The following RUNX1 variants were observed in gnomAD, a reference collection of about 807,000 sequenced individuals.
RUNX1 encodes RUNX family transcription factor 1.
Under a neutral mutation model 42.8 loss-of-function variants are expected in RUNX1, and 19 were observed. The ratio of observed to expected loss-of-function variants is 0.44; its 90% CI spans 0.31 to 0.65. RUNX1 has a LOEUF of 0.65. Among genes scored for constraint, RUNX1 ranks in the 30% least tolerant of loss-of-function variants. RUNX1 has a pLI of 0.07. For missense variants in RUNX1, 528 were observed against 672.0 expected (o/e 0.79, Z 2.37); for synonymous variants, 271 against 289.4 (o/e 0.94, Z 0.64).
chr21:34,978,676 T>C (rs1188544181), intron 2 of RUNX1, among the ~76,000 whole-genome samples: 1 of 152,188 alleles, frequency 6.6e-6, no homozygotes, highest in Non-Finnish European at 1.5e-5. Flanking sequence ...TTGCTGCTCA[T>C]TTTGTGAGCC....
At chr21:34,982,756 G>A (rs1456064637) in intron 2 of RUNX1, among the ~76,000 whole-genome samples, 1 of 152,060 alleles carries the variant, frequency 6.6e-6, no homozygotes, top group Non-Finnish European at 1.5e-5. Flanking sequence ...TTTTAGTAGA[G>A]ACGGGGTTTC....
At chr21:34,796,944 G>A (rs546353637) in intron 8 of RUNX1, among the ~76,000 whole-genome samples, 14 of 152,350 alleles carry the variant, frequency 9.2e-5, no homozygotes, top group Middle Eastern at 3.4e-3. Flanking sequence ...GGCTGGGGCC[G>A]GGAAGAGGGG....
intron 2 of RUNX1, among the ~76,000 whole-genome samples, chr21:34,934,926 CCT>C (rs1438419433): frequency 2.0e-5 from 3 of 152,098 alleles, no homozygotes; most frequent in Admixed American, 2.0e-4. Context: ...TCATTTTTCC[CCT>C]TTTTCATTTT....
rs2056424926 is a variant in RUNX1 at position 34,790,825 on chromosome 21, T to C, written c.*1310A>G. ...AATTGCTATAATCGTAACCCCTAAATTCATTGATTTGGTTCCTATGTAAAT... is the reference window on the plus strand; with the variant it reads ...AATTGCTATAATCGTAACCCCTAAACTCATTGATTTGGTTCCTATGTAAAT... On this transcript the variant is annotated 3_prime_UTR_variant, in exon 9 of 9. Coordinates refer to ENST00000675419, the MANE Select transcript of RUNX1 (RefSeq NM_001754.5). 4.3e-6 allele frequency: 1 copy of C among 233,142 alleles called. No individual in the cohort carries two copies. 14.4% of individuals were successfully genotyped at this position (233,142 alleles called of 1,614,324 possible).
chr21:34,918,573 C>T (rs147020832), intron 2 of RUNX1, among the ~76,000 whole-genome samples: 1 of 152,204 alleles, frequency 6.6e-6, no homozygotes, highest in East Asian at 1.9e-4. Flanking sequence ...AATCCTGAGG[C>T]CTATACTGTA....
Position 34,901,709 on chromosome 21 carries a change from T to C in RUNX1, c.59-8746A>G, listed in dbSNP as rs141740787. ...CAGACAGAGGTTATGTTTTAAGAGA[T>C]AGACTGAGAAGTCACTCTCCACATG... On this transcript the variant is annotated intron_variant, in intron 2 of 8. Transcript: ENST00000675419. The surrounding 1 kb of genome is among the most constrained non-coding windows in gnomAD (Gnocchi z 4.3). Among the ~76,000 whole-genome samples, 453 of 152,206 alleles carry C rather than the reference T, an allele frequency of 3.0e-3. No homozygotes were observed. The highest frequency in any genetic ancestry group is 0.01 in the African/African-American group (419 of 41,526).
At chr21:35,044,971 G>A (rs914967356) in intron 2 of RUNX1, among the ~76,000 whole-genome samples, 7 of 152,112 alleles carry the variant, frequency 4.6e-5, no homozygotes, top group Non-Finnish European at 4.4e-5. Context: ...GAGCAGCTGT[G>A]GGGCCTCCTA....
In RUNX1 at chr21:34,822,020, A is replaced by G. The variant is rs551813604; in HGVS notation, c.805+12390T>C. ...AGAGCCTCTCACACAGCAGAACTAT[A>G]AAGGCTCCTTCCAAATAAGCAGCAG... On this transcript the variant is annotated intron_variant, in intron 7 of 8. Coordinates refer to ENST00000675419, the MANE Select transcript of RUNX1 (RefSeq NM_001754.5). 1.1e-4 allele frequency among the ~76,000 whole-genome samples: 16 copies of G among 152,344 alleles called. No homozygotes were observed. In the East Asian group the frequency reaches 3.1e-3, roughly 29 times the overall value.
intron 7 of RUNX1, among the ~76,000 whole-genome samples, chr21:34,801,873 G>A (rs558453474): frequency 2.6e-5 from 4 of 152,282 alleles, no homozygotes; most frequent in South Asian, 2.1e-4. Context: ...TGGGCCACCC[G>A]AGCACTGGAC....
chr21:34,822,087 T>C (rs2056916530), intron 7 of RUNX1, among the ~76,000 whole-genome samples: 1 of 152,170 alleles, frequency 6.6e-6, no homozygotes, highest in Non-Finnish European at 1.5e-5. Context: ...TTCCTGAGAA[T>C]GTTAGTTAGG....
At chr21:34,876,127 A>G (rs1323463188) in intron 5 of RUNX1, among the ~76,000 whole-genome samples, 1 of 152,148 alleles carries the variant, frequency 6.6e-6, no homozygotes, top group Non-Finnish European at 1.5e-5. Context: ...GCCACAGAAC[A>G]CTTGGCCTTA....
intron 7 of RUNX1, among the ~76,000 whole-genome samples, chr21:34,811,694 T>C (rs1404098552): frequency 6.6e-6 from 1 of 152,110 alleles, no homozygotes; most frequent in Non-Finnish European, 1.5e-5. Flanking sequence ...CTAGAGATAA[T>C]GATAGATCCA....
chr21:35,035,412 A>G (rs1485352999), intron 2 of RUNX1, among the ~76,000 whole-genome samples: 1 of 152,144 alleles, frequency 6.6e-6, no homozygotes, highest in Non-Finnish European at 1.5e-5. Context: ...GCCAGATGGG[A>G]GTGGGAAAGC....
chr21:35,007,623 C>A (rs866568249), intron 2 of RUNX1, among the ~76,000 whole-genome samples: 1 of 152,138 alleles, frequency 6.6e-6, no homozygotes, highest in African/African-American at 2.4e-5. Flanking sequence ...AGAGTCCAGA[C>A]CTTCATGTCA....
chr21:34,975,231 T>C (rs1029022968), intron 2 of RUNX1, among the ~76,000 whole-genome samples: 1 of 152,264 alleles, frequency 6.6e-6, no homozygotes, highest in Non-Finnish European at 1.5e-5. Context: ...ACCGAAGTTC[T>C]GCCCTCCGGG....
chr21:34,803,946 CA>C (rs2056643955), intron 7 of RUNX1, among the ~76,000 whole-genome samples: 1 of 152,114 alleles, frequency 6.6e-6, no homozygotes, highest in Admixed American at 6.5e-5. Flanking sequence ...GTTTCAGTTC[CA>C]AAATTTAAAG....
chr21:34,977,127 TACTG>T (rs1351211440), intron 2 of RUNX1, among the ~76,000 whole-genome samples: 1 of 152,266 alleles, frequency 6.6e-6, no homozygotes, highest in Non-Finnish European at 1.5e-5. Context: ...GCTGCCGTTT[TACTG>T]ACTATGGCTA....
At chr21:34,991,374 G>T (rs992109056) in intron 2 of RUNX1, among the ~76,000 whole-genome samples, 1 of 152,198 alleles carries the variant, frequency 6.6e-6, no homozygotes, top group Non-Finnish European at 1.5e-5. Context: ...GTGCATTCTG[G>T]TTGGCCCTAT....
chr21:34,897,167 C>T (rs2058137256), intron 2 of RUNX1, among the ~76,000 whole-genome samples: 1 of 152,188 alleles, frequency 6.6e-6, no homozygotes, highest in South Asian at 2.1e-4. Flanking sequence ...TTGATCTTTG[C>T]CCTCATCCAG....
Sources: allele counts gnomAD v4.1 joint callset (sites outside exome capture counted in the v4.1 genomes callset), GRCh38; gene constraint gnomAD v4.1.1; non-coding constraint Gnocchi (gnomAD v3.1); transcripts MANE v1.5; gene names NCBI Gene and HGNC (gene_info 2026-07-23, HGNC 2026-07-21).